RBFOX1: variants seen among roughly 807,000 people sequenced by gnomAD.
The protein encoded by RBFOX1 is RNA binding fox-1 homolog 1, also known as RNA binding protein fox-1 homolog 1.
A neutral mutation model predicts 57.7 loss-of-function variants in RBFOX1; 8 were observed. The observed-to-expected ratio is 0.14, with a 90% CI of 0.08 to 0.25. RBFOX1 has a LOEUF of 0.25. Ranked by LOEUF, RBFOX1 falls within the 10% of genes least tolerant of loss-of-function variation. The probability of loss-of-function intolerance (pLI) is 1.00; values close to 1 mark genes in which losing one functional copy is unlikely to be tolerated. For missense variants in RBFOX1, 611 were observed against 548.5 expected, an observed-to-expected ratio of 1.11 and a Z score of -1.14; for synonymous variants, 326 against 222.4, an observed-to-expected ratio of 1.47 and a Z score of -4.15.
intron 1 of RBFOX1, among the ~76,000 whole-genome samples, chr16:5,409,209 C>T (rs2066946252): frequency 6.6e-6 from 1 of 152,224 alleles, no homozygotes. Flanking sequence ...TAAATGGCCA[C>T]AGACGATCAG....
intron 2 of RBFOX1, among the ~76,000 whole-genome samples, chr16:6,320,843 G>T (rs562904641): frequency 6.6e-6 from 1 of 151,766 alleles, no homozygotes; most frequent in Non-Finnish European, 1.5e-5. Context: ...GCCCAGGCTG[G>T]AGTGCAGTGG....
In RBFOX1 at chr16:7,268,901, G is replaced by T. The variant is rs141125752; in HGVS notation, c.27+216803G>T. 4.1e-3 allele frequency among the ~76,000 whole-genome samples: 621 copies of T among 151,934 alleles called. 6 individuals carry two copies. The highest frequency in any genetic ancestry group is 0.014 in the African/African-American group (591 of 41,428). ...AAAATACAAAAATTAGCCAAGCGTGGTGGCAAATGCCTGCAATCCCAGCTA... is the reference window on the plus strand; with the variant it reads ...AAAATACAAAAATTAGCCAAGCGTGTTGGCAAATGCCTGCAATCCCAGCTA... On this transcript the variant is annotated intron_variant, in intron 4 of 15. Transcript: ENST00000550418.
chr16:6,007,887 G>A (rs924063329), intron 4 of RBFOX1, among the ~76,000 whole-genome samples: 4 of 152,150 alleles, frequency 2.6e-5, no homozygotes, highest in African/African-American at 9.7e-5. Flanking sequence ...GGGAACTCGT[G>A]GAGAACGCAG....
chr16:6,681,413 A>G (rs952108283), intron 3 of RBFOX1, among the ~76,000 whole-genome samples: 8 of 152,232 alleles, frequency 5.3e-5, no homozygotes, highest in South Asian at 2.1e-4. Flanking sequence ...ATTTTTATCA[A>G]TTGGTAATAT....
At chr16:6,266,434 C>G (rs1213538397) in intron 1 of RBFOX1, among the ~76,000 whole-genome samples, 4 of 152,154 alleles carry the variant, frequency 2.6e-5, no homozygotes, top group African/African-American at 7.2e-5. Flanking sequence ...TACTAACAGG[C>G]CAGACACAAT....
At chr16:6,261,222 A>G (rs536726846) in intron 1 of RBFOX1, among the ~76,000 whole-genome samples, 6 of 152,308 alleles carry the variant, frequency 3.9e-5, no homozygotes, top group African/African-American at 1.2e-4. Context: ...AAAATTGGCA[A>G]TTGTTTCTTC....
chr16:6,890,113 A>G (rs2065060880), intron 3 of RBFOX1, among the ~76,000 whole-genome samples: 1 of 152,238 alleles, frequency 6.6e-6, no homozygotes, highest in Non-Finnish European at 1.5e-5. Flanking sequence ...ATAAAGGAAA[A>G]TAAATAATAT....
chr16:5,888,501 A>T (rs1296465233), intron 4 of RBFOX1, among the ~76,000 whole-genome samples: 7 of 152,190 alleles, frequency 4.6e-5, no homozygotes, highest in Non-Finnish European at 1.0e-4. Context: ...CACTTAAAAA[A>T]AATAGTTGTT....
chr16:7,378,265 G>A lies in RBFOX1; in HGVS notation c.28-139882G>A, dbSNP rs542189316. ...CTGATCTCGAGCCTTTTCCTCCTGA[G>A]GGCAAGGAGGATCGGGAGGCAAGGG... On this transcript the variant is annotated intron_variant, in intron 4 of 15. Coordinates refer to ENST00000550418, the MANE Select transcript of RBFOX1 (RefSeq NM_018723.4). Among the ~76,000 whole-genome samples the A allele has an allele frequency of 4.6e-5, 7 of 152,266 alleles. 1 individual carries two copies. The South Asian group carries it at 1.0e-3, about 23-fold the overall frequency.
intron 3 of RBFOX1, among the ~76,000 whole-genome samples, chr16:5,753,914 C>T (rs1045743531): frequency 6.6e-6 from 1 of 151,806 alleles, no homozygotes; most frequent in African/African-American, 2.4e-5. Context: ...AGGGACAATA[C>T]AGGATTCTGT....
intron 1 of RBFOX1, among the ~76,000 whole-genome samples, chr16:6,155,140 T>C (rs967537503): frequency 2.6e-5 from 4 of 152,224 alleles, no homozygotes; most frequent in Non-Finnish European, 2.9e-5. Flanking sequence ...ATAAAATCCA[T>C]TGTACATATT....
intron 3 of RBFOX1, among the ~76,000 whole-genome samples, chr16:5,732,834 C>A (rs1026522681): frequency 6.6e-6 from 1 of 152,106 alleles, no homozygotes. Flanking sequence ...CAAAAGTCTT[C>A]AACCGTGTCT....
At chr16:6,139,657 C>T (rs2096698487) in intron 1 of RBFOX1, among the ~76,000 whole-genome samples, 1 of 152,216 alleles carries the variant, frequency 6.6e-6, no homozygotes. Context: ...TGTGATTGTC[C>T]ATGAATATAG....
At chr16:6,383,844 A>G (rs1289164373) in intron 2 of RBFOX1, among the ~76,000 whole-genome samples, 2 of 152,042 alleles carry the variant, frequency 1.3e-5, no homozygotes, top group Non-Finnish European at 2.9e-5. Flanking sequence ...TTTTAAACCA[A>G]TTGTCAAAGT....
chr16:5,553,920 A>G (rs1226061119), intron 2 of RBFOX1, among the ~76,000 whole-genome samples: 2 of 151,974 alleles, frequency 1.3e-5, no homozygotes, highest in African/African-American at 4.8e-5. Context: ...GACGATTGGC[A>G]AACAACAGAC....
At chr16:7,038,918 G>A (rs2045327354) in intron 3 of RBFOX1, among the ~76,000 whole-genome samples, 1 of 152,136 alleles carries the variant, frequency 6.6e-6, no homozygotes, top group South Asian at 2.1e-4. Context: ...AATTCTGTGG[G>A]CATCCTGACC....
At chr16:6,555,507 G>A (rs1010601642) in intron 2 of RBFOX1, among the ~76,000 whole-genome samples, 3 of 152,048 alleles carry the variant, frequency 2.0e-5, no homozygotes, top group Non-Finnish European at 2.9e-5. Flanking sequence ...AGACCATCCT[G>A]GCTAACACAG....
chr16:6,072,042 G>C (rs1046874029), intron 1 of RBFOX1, among the ~76,000 whole-genome samples: 1 of 152,212 alleles, frequency 6.6e-6, no homozygotes, highest in Non-Finnish European at 1.5e-5. Context: ...CAAAGGAAAA[G>C]AGGTTTATAG....
intron 4 of RBFOX1, among the ~76,000 whole-genome samples, chr16:5,990,611 A>T (rs1422209415): frequency 2.0e-5 from 3 of 152,188 alleles, no homozygotes. Context: ...TTTTTCAGAG[A>T]GAGGCCTGGA....
Sources: allele counts gnomAD v4.1 joint callset (sites outside exome capture counted in the v4.1 genomes callset), GRCh38; gene constraint gnomAD v4.1.1; transcripts MANE v1.5; gene names NCBI Gene and HGNC (gene_info 2026-07-23, HGNC 2026-07-21).